PARP4: variants seen among roughly 807,000 people sequenced by gnomAD.
The protein encoded by PARP4 is protein mono-ADP-ribosyltransferase PARP4.
Under a neutral mutation model 187.7 loss-of-function variants are expected in PARP4, and 120 were observed. The observed-to-expected ratio is 0.64, with a 90% CI of 0.55 to 0.74. The LOEUF is 0.74. PARP4 is among the 30% of genes least tolerant of loss of function. PARP4 has a pLI of 0.00. For synonymous variants in PARP4, 654 were observed against 740.9 expected (o/e 0.88, Z 1.90); for missense variants, 1,836 against 2,070.5 (o/e 0.89, Z 2.20).
rs755846238 is a variant in PARP4 at position 24,492,468 on chromosome 13, T to C, written c.1006A>G (p.Lys336Glu). The change falls in exon 9 of 34, where the codon AAA becomes GAA. Residue 336 changes from lysine to glutamate, a missense_variant. Transcript: ENST00000381989. ...GCCAATAGTCCCAGGTTCACTTCTT[T>C]GGGCATTGTGCCTTTGTGAGGTATC... ...RLIPHKGTMP[K>E]EVNLGLLAKK... 4.3e-6 allele frequency: 7 copies of C among 1,614,148 alleles called. No homozygotes were observed. In the Admixed American group the frequency reaches 1.0e-4, roughly 23 times the overall value.
intron 24 of PARP4, chr13:24,451,904 T>C (rs1405878047): frequency 1.3e-5 from 2 of 153,322 alleles, no homozygotes; most frequent in African/African-American, 4.8e-5. Flanking sequence ...ATGCAAGTGC[T>C]CATAATGGCC....
chr13:24,499,261 GTTTT>G (rs71865467), intron 5 of PARP4, 36 bp downstream of exon 5: 95 of 1,329,568 alleles, frequency 7.1e-5, no homozygotes, highest in South Asian at 2.4e-4. Context: ...AAACAGGTGT[GTTTT>G]TTTTTTTTTT....
chr13:24,477,931 A>G, intron 13 of PARP4, 74 bp from the exon 14 acceptor site: 1 of 1,203,040 alleles, frequency 8.3e-7, no homozygotes, highest in South Asian at 1.6e-5. Flanking sequence ...ATGTTTTCAT[A>G]AAAGCATGTT....
intron 12 of PARP4, 125 bp from the exon 13 acceptor site, chr13:24,478,401 T>A: frequency 1.8e-6 from 1 of 541,232 alleles, no homozygotes; most frequent in East Asian, 3.2e-5. Context: ...CTCCAAAGAC[T>A]CAATTTAGAA....
At chr13:24,466,756 G>A (rs1168341882) in intron 17 of PARP4, among the ~76,000 whole-genome samples, 3 of 135,838 alleles carry the variant, frequency 2.2e-5, no homozygotes, top group Non-Finnish European at 3.0e-5. Flanking sequence ...CCAAAATCAC[G>A]CCACTGCACT....
chr13:24,428,702 A>T (rs1870181229), intron 32 of PARP4, among the ~76,000 whole-genome samples: 1 of 152,148 alleles, frequency 6.6e-6, no homozygotes, highest in Non-Finnish European at 1.5e-5. Context: ...CGAAATCCTG[A>T]GCTCAAATGA....
intron 17 of PARP4, among the ~76,000 whole-genome samples, chr13:24,466,487 C>T (rs1161584305): frequency 6.6e-6 from 1 of 152,064 alleles, no homozygotes; most frequent in Non-Finnish European, 1.5e-5. Context: ...GGCCAACAAT[C>T]AAAACTTTTT....
At position 24,492,507 on chromosome 13, in the gene PARP4, C is replaced by CT. The variant is rs865819328; in HGVS notation, c.966dup (p.Glu323ArgfsTer23). ...TTGTGAGGTATCAGTCTGTAAAACT[C>CT]TGTCATCATCTTTTGCAATTGCTCT... On this transcript the variant is annotated frameshift_variant, in exon 9 of 34. Transcript: ENST00000381989. LOFTEE classifies it high-confidence loss of function. The CT allele has an allele frequency of 2.6e-5, 42 of 1,613,924 alleles. No homozygotes were observed. The highest frequency in any genetic ancestry group is 3.2e-5 in the Non-Finnish European group (38 of 1,179,908).
chr13:24,474,968 C>A (rs1195032895), intron 15 of PARP4, among the ~76,000 whole-genome samples: 1 of 152,206 alleles, frequency 6.6e-6, no homozygotes, highest in Non-Finnish European at 1.5e-5. Flanking sequence ...AGATCAGCCT[C>A]CTTCCTACCT....
intron 30 of PARP4, among the ~76,000 whole-genome samples, chr13:24,440,419 T>TAAAAA (rs71070698): frequency 4.0e-4 from 50 of 126,154 alleles, no homozygotes; most frequent in African/African-American, 1.2e-3. Flanking sequence ...AAATTAAAAT[T>TAAAAA]AAAAAAAAAA....
At chr13:24,427,370 CTTTTTT>C (rs35815244) in intron 32 of PARP4, among the ~76,000 whole-genome samples, 1 of 133,594 alleles carries the variant, frequency 7.5e-6, no homozygotes, top group Non-Finnish European at 1.6e-5. Context: ...ATCCAAGCTT[CTTTTTT>C]TTTTTTTTTT....
At chr13:24,450,723 G>A (rs1357806126) in intron 24 of PARP4, among the ~76,000 whole-genome samples, 2 of 152,134 alleles carry the variant, frequency 1.3e-5, no homozygotes, top group African/African-American at 2.4e-5. Flanking sequence ...AGATGAGGGA[G>A]AAACACTTAG....
At chr13:24,438,968 T>C (rs184831576) in intron 30 of PARP4, among the ~76,000 whole-genome samples, 2 of 151,242 alleles carry the variant, frequency 1.3e-5, no homozygotes, top group East Asian at 3.9e-4. Flanking sequence ...CTAAATTACA[T>C]GGTCCGTTCA....
At chr13:24,448,383 AGAT>A (rs1162229721) in intron 25 of PARP4, among the ~76,000 whole-genome samples, 1 of 152,076 alleles carries the variant, frequency 6.6e-6, no homozygotes, top group Non-Finnish European at 1.5e-5. Flanking sequence ...ACTCCAGCCT[AGAT>A]GACCGAGCAA....
chr13:24,434,631 A>G lies in PARP4; in HGVS notation c.4510T>C (p.Ser1504Pro). Residue 1504 changes from serine (S) to proline (P), a missense_variant, in exon 31 of 34, where the codon TCA becomes CCA. This residue lies in a region of PARP4 where 450 missense variants were observed against 439.2 expected (regional missense o/e 1.02). Transcript: ENST00000381989. ...CGACTTCCTTCGAGACTGCCTACTG[A>G]TTCTTCTAGAAGACAGAGATCTACT... The part of the protein sequence containing the change: ...TPVDLCLLEE[S>P]VGSLEGSRCP... 6.2e-7 allele frequency: 1 copy of G among 1,612,618 alleles called. No homozygotes were observed. Among genetic ancestry groups the G allele is most frequent in the Non-Finnish European group, 8.5e-7 (1 of 1,178,848 alleles).
chr13:24,446,899 A>G, intron 26 of PARP4, 117 bp downstream of exon 26: 1 of 1,417,286 alleles, frequency 7.1e-7, no homozygotes, highest in South Asian at 1.4e-5. Context: ...GCTAACCACC[A>G]GCTGTGTTCC....
chr13:24,472,891 G>GT lies in PARP4; in HGVS notation c.1914+2580dup, dbSNP rs3978786. 4.1e-3 allele frequency among the ~76,000 whole-genome samples: 446 copies of GT among 109,566 alleles called. 3 individuals carry two copies. Among genetic ancestry groups the GT allele is most frequent in the African/African-American group, 6.2e-3 (180 of 28,918 alleles). 71.9% of individuals were successfully genotyped at this position (109,566 alleles called of 152,430 possible). Reference sequence around the variant, plus strand: ...TTCTCCTTCTCTTTCAACACCCTGAGTTTTTTTTTTTTTTTTTTTTTTGAG... The same window carrying GT: ...TTCTCCTTCTCTTTCAACACCCTGAGTTTTTTTTTTTTTTTTTTTTTTTGAG... On this transcript the variant is annotated intron_variant, in intron 15 of 33. Transcript: ENST00000381989.
chr13:24,426,323 C>T, intron 33 of PARP4, 143 bp downstream of exon 33: 2 of 645,378 alleles, frequency 3.1e-6, no homozygotes, highest in Non-Finnish European at 5.2e-6. Flanking sequence ...AGACTATGGG[C>T]AAGCTGTCAC....
chr13:24,461,923 C>A (rs1872233691), intron 17 of PARP4, among the ~76,000 whole-genome samples: 1 of 152,138 alleles, frequency 6.6e-6, no homozygotes, highest in South Asian at 2.1e-4. Flanking sequence ...GGGATGACAC[C>A]CTCCTAGGCC....
Sources: gnomAD v4.1 joint callset for allele counts (sites outside exome capture counted in the v4.1 genomes callset) on GRCh38, gnomAD v4.1.1 for gene constraint, gnomAD v4.1.1 regional missense constraint, MANE v1.5 for transcripts, NCBI Gene and HGNC (gene_info 2026-07-23, HGNC 2026-07-21) for gene names.